Variants in KLHL1 observed in about 807,000 individuals in gnomAD.
KLHL1 encodes the protein kelch-like protein 1.
In KLHL1, 47 loss-of-function variants were observed where a neutral mutation model predicts 77.7. The ratio of observed to expected loss-of-function variants is 0.60; its 90% CI spans 0.48 to 0.77. The LOEUF is 0.77. Ranked by LOEUF, KLHL1 falls within the 30% of genes least tolerant of loss-of-function variation. The pLI is 0.00. For synonymous variants in KLHL1, 360 were observed against 325.2 expected (o/e 1.11, Z -1.15); for missense variants, 925 against 910.8 (o/e 1.02, Z -0.20).
At chr13:69,895,653 T>A (rs1243581037) in intron 4 of KLHL1, among the ~76,000 whole-genome samples, 2 of 152,038 alleles carry the variant, frequency 1.3e-5, no homozygotes, top group African/African-American at 4.8e-5. Context: ...AAAATCAAGA[T>A]GCTGGCAAGG....
intron 5 of KLHL1, among the ~76,000 whole-genome samples, chr13:69,866,280 G>A (rs904761599): frequency 4.6e-5 from 7 of 151,980 alleles, no homozygotes; most frequent in African/African-American, 4.8e-5. Flanking sequence ...TTTTCAGGTC[G>A]GCTTATTGAA....
chr13:69,981,152 T>G (rs1435230983), intron 1 of KLHL1, among the ~76,000 whole-genome samples: 9 of 152,122 alleles, frequency 5.9e-5, no homozygotes, highest in Admixed American at 5.9e-4. Context: ...AAACATAAAA[T>G]AACTGCTGTA....
chr13:69,827,658 G>A lies in KLHL1; in HGVS notation c.1414+11318C>T, dbSNP rs368106124. On this transcript the variant is annotated intron_variant, in intron 6 of 10. Coordinates refer to ENST00000377844, the MANE Select transcript of KLHL1 (RefSeq NM_020866.3). ...GGTAGGGGAATCTCGTGAACCCCAG[G>A]AGTCAGAGGTTTCAGTGAGCCAAGA... Among the ~76,000 whole-genome samples the A allele has an allele frequency of 2.7e-5, 4 of 149,874 alleles. No individual in the cohort carries two copies. The East Asian group carries it at 7.9e-4, about 30-fold the overall frequency.
At chr13:70,102,117 T>C (rs1399261847) in intron 1 of KLHL1, among the ~76,000 whole-genome samples, 1 of 152,146 alleles carries the variant, frequency 6.6e-6, no homozygotes, top group African/African-American at 2.4e-5. Flanking sequence ...ATTTTCAAAG[T>C]TGGTTATCCC....
At position 70,099,795 on chromosome 13, in the gene KLHL1, C is replaced by T. The variant is rs183300602; in HGVS notation, c.497+7408G>A. On this transcript the variant is annotated intron_variant, in intron 1 of 10. Transcript: ENST00000377844. ...AAACATTAAACTAATGAACAGCTTT[C>T]GTTAAACTAAGGTTTAATTAAAAAG... Among the ~76,000 whole-genome samples the T allele has an allele frequency of 4.0e-3, 605 of 151,866 alleles. 3 individuals are homozygous for T. Among genetic ancestry groups the T allele is most frequent in the African/African-American group, 0.014 (575 of 41,468 alleles).
intron 7 of KLHL1, among the ~76,000 whole-genome samples, chr13:69,772,713 G>T (rs1875632543): frequency 6.6e-6 from 1 of 152,072 alleles, no homozygotes; most frequent in Admixed American, 6.6e-5. Flanking sequence ...AATAGGGTTT[G>T]GTTGCAATGG....
At chr13:69,971,780 T>A (rs943300637) in intron 2 of KLHL1, among the ~76,000 whole-genome samples, 21 of 152,078 alleles carry the variant, frequency 1.4e-4, no homozygotes, top group Non-Finnish European at 4.4e-5. Flanking sequence ...CTCAAGTATA[T>A]TGAAAACTCT....
At chr13:69,838,876 C>A in intron 6 of KLHL1, 100 bp downstream of exon 6, 1 of 663,642 alleles carries the variant, frequency 1.5e-6, no homozygotes, top group East Asian at 3.1e-5. Flanking sequence ...ATAATTAAAG[C>A]TGAGTTTATG....
intron 5 of KLHL1, among the ~76,000 whole-genome samples, chr13:69,847,938 C>A (rs978350584): frequency 2.6e-5 from 4 of 151,376 alleles, no homozygotes; most frequent in African/African-American, 9.7e-5. Flanking sequence ...ATATCTAATA[C>A]AAATAAAATA....
rs570886150 is a variant in KLHL1 at position 69,832,025 on chromosome 13, CT to C, written c.1414+6950del. ...TGAGGAAAAGTTGAAAGCATTCCCC[CT>C]GAGAAGTGGAACAAGGCAAGGATGC... On this transcript the variant is annotated intron_variant, in intron 6 of 10. Transcript: ENST00000377844. Among the ~76,000 whole-genome samples, 230 of 150,040 alleles carry C rather than the reference CT, an allele frequency of 1.5e-3. 5 individuals are homozygous for C. Among genetic ancestry groups the C allele is most frequent in the Middle Eastern group, 3.4e-3 (1 of 290 alleles).
chr13:69,973,046 G>A (rs1884437668), intron 2 of KLHL1, among the ~76,000 whole-genome samples: 1 of 151,914 alleles, frequency 6.6e-6, no homozygotes, highest in African/African-American at 2.4e-5. Context: ...TTCCTTCAAG[G>A]CCTAAAGCAC....
At chr13:69,897,039 A>G (rs1371362009) in intron 4 of KLHL1, among the ~76,000 whole-genome samples, 1 of 152,152 alleles carries the variant, frequency 6.6e-6, no homozygotes, top group African/African-American at 2.4e-5. Flanking sequence ...CATTTGATCA[A>G]TAGAATAGTA....
At chr13:69,729,178 T>G (rs569464078) in intron 8 of KLHL1, among the ~76,000 whole-genome samples, 66 of 152,298 alleles carry the variant, frequency 4.3e-4, no homozygotes, top group African/African-American at 1.5e-3. Flanking sequence ...TTCACTTTTT[T>G]TGTGTGTGTT....
At chr13:69,718,400 T>C (rs1414684885) in intron 9 of KLHL1, among the ~76,000 whole-genome samples, 1 of 127,096 alleles carries the variant, frequency 7.9e-6, no homozygotes, top group Admixed American at 9.4e-5. Context: ...CCAGCAATGA[T>C]CAATATTCTA....
intron 5 of KLHL1, among the ~76,000 whole-genome samples, chr13:69,867,915 A>G (rs1045514963): frequency 4.6e-5 from 7 of 151,902 alleles, no homozygotes; most frequent in Non-Finnish European, 8.8e-5. Flanking sequence ...TAACGAGTTA[A>G]TGGGTGCAGC....
intron 1 of KLHL1, among the ~76,000 whole-genome samples, chr13:70,104,664 T>A (rs1390445781): frequency 1.3e-5 from 2 of 152,136 alleles, no homozygotes; most frequent in Non-Finnish European, 2.9e-5. Context: ...TGCTCATTAT[T>A]AAATATGACA....
chr13:69,818,186 C>T (rs918477807), intron 6 of KLHL1, among the ~76,000 whole-genome samples: 1 of 145,324 alleles, frequency 6.9e-6, no homozygotes, highest in African/African-American at 2.6e-5. Context: ...CAGGGGATGA[C>T]ATAAATAAGA....
chr13:69,721,056 T>C (rs1265337937), intron 8 of KLHL1, among the ~76,000 whole-genome samples: 1 of 55,724 alleles, frequency 1.8e-5, no homozygotes, highest in African/African-American at 4.7e-5. Flanking sequence ...AAAAGATAGC[T>C]ACTAAGATAT....
At chr13:69,730,474 TA>T (rs1380633749) in intron 8 of KLHL1, among the ~76,000 whole-genome samples, 8 of 151,194 alleles carry the variant, frequency 5.3e-5, no homozygotes, top group Admixed American at 3.3e-4. Flanking sequence ...AACCGACTGT[TA>T]CTTATAGTGA....
Sources: gnomAD v4.1 joint callset for allele counts (sites outside exome capture counted in the v4.1 genomes callset) on GRCh38, gnomAD v4.1.1 for gene constraint, MANE v1.5 for transcripts, NCBI Gene and HGNC (gene_info 2026-07-23, HGNC 2026-07-21) for gene names.